The following DAPK1 variants were observed in gnomAD, a reference collection of about 807,000 sequenced individuals.
DAPK1 encodes the protein death-associated protein kinase 1.
Under a neutral mutation model 144.9 loss-of-function variants are expected in DAPK1, and 56 were observed. The ratio of observed to expected loss-of-function variants is 0.39; its 90% CI spans 0.31 to 0.48. The LOEUF is 0.48. Ranked by LOEUF, DAPK1 falls within the 20% of genes least tolerant of loss-of-function variation. The probability of loss-of-function intolerance (pLI) is 0.95; values close to 1 mark genes in which losing one functional copy is unlikely to be tolerated. For synonymous variants in DAPK1, 690 were observed against 749.0 expected (o/e 0.92, Z 1.29); for missense variants, 1,454 against 1,875.4 (o/e 0.78, Z 4.15).
chr9:87,514,502 T>C (rs757969864), intron 2 of DAPK1, among the ~76,000 whole-genome samples: 1 of 152,216 alleles, frequency 6.6e-6, no homozygotes, highest in Non-Finnish European at 1.5e-5. Context: ...GTATAATTAC[T>C]TTCAAATGTC....
At chr9:87,588,593 CT>C (rs1459203039) in intron 2 of DAPK1, among the ~76,000 whole-genome samples, 1 of 152,192 alleles carries the variant, frequency 6.6e-6, no homozygotes, top group Middle Eastern at 3.2e-3. Context: ...ATCCAGCATT[CT>C]TTCTCCCAAC....
intron 2 of DAPK1, among the ~76,000 whole-genome samples, chr9:87,505,320 G>A (rs1174376223): frequency 1.3e-5 from 2 of 152,238 alleles, no homozygotes; most frequent in Non-Finnish European, 2.9e-5. Context: ...CTGACAAGAG[G>A]GGAGTGGTTT....
intron 2 of DAPK1, among the ~76,000 whole-genome samples, chr9:87,576,364 G>A (rs1362996019): frequency 6.6e-6 from 1 of 152,216 alleles, no homozygotes; most frequent in Non-Finnish European, 1.5e-5. Flanking sequence ...CTTATGTTTT[G>A]TACTGTCATC....
chr9:87,508,589 A>C (rs908797050), intron 2 of DAPK1, among the ~76,000 whole-genome samples: 1 of 150,804 alleles, frequency 6.6e-6, no homozygotes, highest in Admixed American at 6.6e-5. Flanking sequence ...TGATCCGCCC[A>C]CCTCGGCCTC....
At position 87,604,658 on chromosome 9, in the gene DAPK1, C is replaced by G. The variant is rs191408653; in HGVS notation, c.63-296C>G. On this transcript the variant is annotated intron_variant, in intron 2 of 25. Transcript: ENST00000408954. ...TGAGGTCAGATCACAGAGCTCCTTG[C>G]TGCTGTCCCAGGACCTGAAGTGGGA... Among the ~76,000 whole-genome samples the G allele has an allele frequency of 2.4e-3, 364 of 152,212 alleles. 2 individuals are homozygous for G. Among genetic ancestry groups the G allele is most frequent in the Non-Finnish European group, 3.1e-3 (214 of 68,018 alleles).
At chr9:87,564,831 C>T (rs1827059097) in intron 2 of DAPK1, among the ~76,000 whole-genome samples, 1 of 152,172 alleles carries the variant, frequency 6.6e-6, no homozygotes, top group Non-Finnish European at 1.5e-5. Context: ...AAATTTCTAA[C>T]ACATCAACTT....
chr9:87,639,440 T>C lies in DAPK1; in HGVS notation c.510T>C (p.Phe170=), dbSNP rs776012850. Residue 170 remains phenylalanine, a synonymous_variant, in exon 5 of 26, where the codon TTT becomes TTC. Coordinates refer to ENST00000408954, the MANE Select transcript of DAPK1 (RefSeq NM_004938.4). ...TTGGGTTGGCCCATAAAATTGACTT[T>C]GGAAATGAATTTAAAAACATATTTG... is the stretch of plus-strand genomic sequence containing the variant. ...IDFGLAHKID[F]GNEFKNIFGT... is the part of the protein sequence containing the mutation. 25 of 1,613,612 alleles carry C rather than the reference T, an allele frequency of 1.5e-5. No individual in the cohort carries two copies. The highest frequency in any genetic ancestry group is 2.1e-5 in the Non-Finnish European group (25 of 1,179,938).
At position 87,686,771 on chromosome 9, in the gene DAPK1, C is replaced by T. The variant is rs750848037; in HGVS notation, c.2413+32C>T. Reference sequence around the variant, plus strand: ...CCTGCCTGCCCCAAGGGAAGGACCTCAGGTTTCCCTTCAACAGGGTTGTAA... The same window carrying T: ...CCTGCCTGCCCCAAGGGAAGGACCTTAGGTTTCCCTTCAACAGGGTTGTAA... On this transcript the variant is annotated intron_variant, in intron 21 of 25. Transcript: ENST00000408954. The surrounding 1 kb of genome is among the most constrained non-coding windows in gnomAD (Gnocchi z 4.2). 38 of 1,529,522 alleles carry T rather than the reference C, an allele frequency of 2.5e-5. No individual in the cohort carries two copies. The highest frequency in any genetic ancestry group is 8.7e-5 in the Admixed American group (5 of 57,574). 94.7% of individuals were successfully genotyped at this position (1,529,522 alleles called of 1,614,324 possible).
intron 2 of DAPK1, among the ~76,000 whole-genome samples, chr9:87,526,682 G>A (rs1825522664): frequency 6.6e-6 from 1 of 152,010 alleles, no homozygotes; most frequent in African/African-American, 2.4e-5. Context: ...AAGGTTTTTG[G>A]GCAGCGTCCC....
At chr9:87,526,947 G>T (rs746585814) in intron 2 of DAPK1, among the ~76,000 whole-genome samples, 6 of 152,196 alleles carry the variant, frequency 3.9e-5, no homozygotes, top group African/African-American at 4.8e-5. Context: ...ACAGTTGGAG[G>T]ATTGTAAGAC....
chr9:87,546,594 T>C (rs1367193992), intron 2 of DAPK1, among the ~76,000 whole-genome samples: 1 of 152,202 alleles, frequency 6.6e-6, no homozygotes, highest in African/African-American at 2.4e-5. Context: ...AAGGCCTCAA[T>C]GCTAAAGCAT....
At chr9:87,694,024 C>T (rs36218437) in intron 21 of DAPK1, among the ~76,000 whole-genome samples, 1 of 152,064 alleles carries the variant, frequency 6.6e-6, no homozygotes, top group East Asian at 1.9e-4. Flanking sequence ...ACTAGTGGGT[C>T]CAGGTAGGTT....
chr9:87,595,326 T>C (rs1161668468), intron 2 of DAPK1, among the ~76,000 whole-genome samples: 1 of 152,166 alleles, frequency 6.6e-6, no homozygotes, highest in African/African-American at 2.4e-5. Flanking sequence ...TAAACTTGCT[T>C]GGCCATGACT....
At chr9:87,695,789 A>G (rs1012890954) in intron 21 of DAPK1, among the ~76,000 whole-genome samples, 2 of 152,164 alleles carry the variant, frequency 1.3e-5, no homozygotes, top group Non-Finnish European at 1.5e-5. Context: ...GTGACTTTTC[A>G]TAGTCACTGT....
chr9:87,683,085 A>ATTTAT (rs760162020), intron 20 of DAPK1, among the ~76,000 whole-genome samples: 5,258 of 112,532 alleles, frequency 0.047, 138 homozygotes, highest in South Asian at 0.092. Flanking sequence ...TATTTTATTT[A>ATTTAT]TTTTTTTTTT....
intron 9 of DAPK1, among the ~76,000 whole-genome samples, chr9:87,641,262 TG>T (rs1830083338): frequency 6.6e-6 from 1 of 152,212 alleles, no homozygotes; most frequent in Non-Finnish European, 1.5e-5. Flanking sequence ...GTGGCACAGG[TG>T]CCTTGGTGCT....
intron 21 of DAPK1, among the ~76,000 whole-genome samples, chr9:87,691,670 GTC>G: frequency 6.6e-6 from 1 of 151,874 alleles, no homozygotes; most frequent in South Asian, 2.1e-4. Context: ...GTAGGTTTTG[GTC>G]TTGTGCTTTG....
Position 87,531,865 on chromosome 9 carries a change from G to A in DAPK1, c.62+32726G>A, listed in dbSNP as rs114154275. 3.2e-3 allele frequency among the ~76,000 whole-genome samples: 482 copies of A among 152,286 alleles called. 2 individuals are homozygous for A. The highest frequency in any genetic ancestry group is 0.011 in the African/African-American group (447 of 41,544). On this transcript the variant is annotated intron_variant, in intron 2 of 25. Transcript: ENST00000408954. The stretch of plus-strand genomic sequence containing the variant: ...GATGAGTTCAGAGAAATCCCCAGGG[G>A]CCTCCTTATTGTGCAGTAGTTTTCC...
intron 2 of DAPK1, among the ~76,000 whole-genome samples, chr9:87,532,273 G>A (rs1208917253): frequency 6.6e-6 from 1 of 152,206 alleles, no homozygotes; most frequent in Non-Finnish European, 1.5e-5. Flanking sequence ...AAAAAGAACA[G>A]TATTTTGTGC....
Sources: gnomAD v4.1 joint callset for allele counts (sites outside exome capture counted in the v4.1 genomes callset) on GRCh38, gnomAD v4.1.1 for gene constraint, Gnocchi (gnomAD v3.1) non-coding constraint, MANE v1.5 for transcripts, NCBI Gene and HGNC (gene_info 2026-07-23, HGNC 2026-07-21) for gene names.